The following SPAG16 variants were observed in gnomAD, a reference collection of about 807,000 sequenced individuals.
SPAG16 encodes the protein sperm associated antigen 16, also known as sperm-associated antigen 16 protein.
A neutral mutation model predicts 80.4 loss-of-function variants in SPAG16; 86 were observed. That is an observed-to-expected ratio of 1.07 (90% CI 0.90 to 1.28). The LOEUF (loss-of-function observed/expected upper bound fraction) is 1.28, where lower values mean the gene tolerates loss of function less well. Ranked by LOEUF, SPAG16 falls within the 50% of genes most tolerant of loss-of-function variation. SPAG16 has a pLI of 0.00. For synonymous variants in SPAG16, 294 were observed against 265.9 expected, an observed-to-expected ratio of 1.11 and a Z score of -1.03; for missense variants, 870 against 765.3, an observed-to-expected ratio of 1.14 and a Z score of -1.61.
intron 9 of SPAG16, among the ~76,000 whole-genome samples, chr2:213,438,964 C>T (rs980117268): frequency 2.6e-5 from 4 of 152,132 alleles, no homozygotes; most frequent in African/African-American, 4.8e-5. Flanking sequence ...GCTGATTGTT[C>T]CCTGGATGAT....
chr2:213,882,737 G>T (rs2076391198), intron 11 of SPAG16, among the ~76,000 whole-genome samples: 3 of 152,040 alleles, frequency 2.0e-5, no homozygotes, highest in Non-Finnish European at 2.9e-5. Flanking sequence ...TTTTTTCAAA[G>T]AACAAACTTT....
At chr2:213,812,025 G>A (rs921754962) in intron 10 of SPAG16, among the ~76,000 whole-genome samples, 2 of 152,114 alleles carry the variant, frequency 1.3e-5, no homozygotes, top group African/African-American at 4.8e-5. Flanking sequence ...CTAGCAACAG[G>A]AGTTAGAAGC....
chr2:213,420,032 T>C lies in SPAG16; in HGVS notation c.942+44913T>C, dbSNP rs1221617813. 7.2e-5 allele frequency among the ~76,000 whole-genome samples: 11 copies of C among 152,338 alleles called. 1 individual carries two copies. The highest frequency in any genetic ancestry group is 2.6e-4 in the African/African-American group (11 of 41,566). Reference sequence around the variant, plus strand: ...TTCTAAGTATATACAAGATATTTTTTTATACCTTTATTTTATCAAACATTA... The same window carrying C: ...TTCTAAGTATATACAAGATATTTTTCTATACCTTTATTTTATCAAACATTA... On this transcript the variant is annotated intron_variant, in intron 9 of 15. Coordinates refer to ENST00000331683, the MANE Select transcript of SPAG16 (RefSeq NM_024532.5).
At chr2:213,563,028 G>A (rs962034897) in intron 10 of SPAG16, among the ~76,000 whole-genome samples, 12 of 152,274 alleles carry the variant, frequency 7.9e-5, no homozygotes, top group African/African-American at 2.9e-4. Context: ...GCATGGCGGG[G>A]GAACACAGAC....
intron 10 of SPAG16, among the ~76,000 whole-genome samples, chr2:213,685,063 A>G (rs1289290570): frequency 6.6e-6 from 1 of 152,232 alleles, no homozygotes; most frequent in Non-Finnish European, 1.5e-5. Context: ...ATCAGTTGAA[A>G]GAGTCAGGGA....
rs74842682 is a variant in SPAG16 at position 213,586,203 on chromosome 2, T to A, written c.1070+96113T>A. Among the ~76,000 whole-genome samples the A allele has an allele frequency of 3.7e-4, 57 of 152,346 alleles. No individual in the cohort carries two copies. In the East Asian group the frequency reaches 0.011, roughly 29 times the overall value. On this transcript the variant is annotated intron_variant, in intron 10 of 15. Coordinates refer to ENST00000331683, the MANE Select transcript of SPAG16 (RefSeq NM_024532.5). Reference sequence around the variant, plus strand: ...CAATCATTTCTATGATGAGCCAGTATCTTAGTTCATTCAGGTGGCTATAAC... The same window carrying A: ...CAATCATTTCTATGATGAGCCAGTAACTTAGTTCATTCAGGTGGCTATAAC...
At chr2:213,848,958 T>C (rs1453232333) in intron 10 of SPAG16, among the ~76,000 whole-genome samples, 1 of 152,198 alleles carries the variant, frequency 6.6e-6, no homozygotes, top group Non-Finnish European at 1.5e-5. Context: ...TATATATAAC[T>C]TTTGTTAATT....
At chr2:213,786,223 T>G (rs2070334742) in intron 10 of SPAG16, among the ~76,000 whole-genome samples, 1 of 152,118 alleles carries the variant, frequency 6.6e-6, no homozygotes, top group African/African-American at 2.4e-5. Flanking sequence ...ATCGTCCCAT[T>G]TAACATTTGC....
chr2:213,315,655 C>T (rs2063370760), intron 4 of SPAG16, among the ~76,000 whole-genome samples: 1 of 151,224 alleles, frequency 6.6e-6, no homozygotes, highest in African/African-American at 2.4e-5. Context: ...CTCAGACGTA[C>T]TCTCAGTTTG....
intron 10 of SPAG16, among the ~76,000 whole-genome samples, chr2:213,600,383 C>G (rs1352462378): frequency 3.3e-5 from 5 of 152,134 alleles, no homozygotes; most frequent in Non-Finnish European, 7.3e-5. Context: ...ATTCCCTTTT[C>G]CTAAGTGGTT....
In SPAG16 at chr2:214,108,205, G is replaced by A; in HGVS notation, c.1537G>A (p.Glu513Lys). ...TGCTTTGTCTTCCTAGGGTATATGT[G>A]AGCAGTCACTTTATGGTCACATGCA... ...SIWDARTGIC[E>K]QSLYGHMHSI... The change falls in exon 14 of 16, where the codon GAG becomes AAG. Residue 513 changes from glutamate to lysine, a missense_variant. Transcript: ENST00000331683. 1 of 1,589,810 alleles carries A rather than the reference G, an allele frequency of 6.3e-7. No homozygotes were observed. Among genetic ancestry groups the A allele is most frequent in the Middle Eastern group, 1.7e-4 (1 of 5,950 alleles).
intron 10 of SPAG16, among the ~76,000 whole-genome samples, chr2:213,670,707 A>G (rs1367184626): frequency 2.0e-5 from 3 of 152,178 alleles, no homozygotes; most frequent in Non-Finnish European, 4.4e-5. Context: ...CCAGAGCACT[A>G]ATTTCTTCAC....
At chr2:214,359,018 G>C (rs1299876762) in intron 15 of SPAG16, among the ~76,000 whole-genome samples, 3 of 151,718 alleles carry the variant, frequency 2.0e-5, no homozygotes, top group African/African-American at 7.3e-5. Flanking sequence ...GGAAAGAAAG[G>C]ATCAGTTATT....
intron 10 of SPAG16, among the ~76,000 whole-genome samples, chr2:213,834,399 T>A (rs12472069): frequency 0.6 from 91,639 of 151,988 alleles, 29,477 homozygotes; most frequent in South Asian, 0.86. Flanking sequence ...AAGTAGATAG[T>A]TGTGAAGAAG....
At chr2:214,051,377 A>G (rs757133684) in intron 13 of SPAG16, among the ~76,000 whole-genome samples, 3 of 152,208 alleles carry the variant, frequency 2.0e-5, no homozygotes, top group African/African-American at 7.2e-5. Flanking sequence ...AATGCTTCAC[A>G]TTAGGAATCT....
At chr2:213,756,380 T>C (rs1181763981) in intron 10 of SPAG16, among the ~76,000 whole-genome samples, 1 of 152,004 alleles carries the variant, frequency 6.6e-6, no homozygotes, top group Non-Finnish European at 1.5e-5. Context: ...TCCCAGCTAT[T>C]CGGAAGGCTG....
intron 12 of SPAG16, among the ~76,000 whole-genome samples, chr2:213,962,628 T>G (rs2044506341): frequency 5.9e-5 from 9 of 152,232 alleles, no homozygotes; most frequent in Admixed American, 5.9e-4. Context: ...TATTTTGATC[T>G]GGGTCTTCCA....
intron 10 of SPAG16, among the ~76,000 whole-genome samples, chr2:213,781,236 T>C (rs1202830021): frequency 5.9e-5 from 9 of 152,202 alleles, no homozygotes; most frequent in Non-Finnish European, 1.5e-5. Context: ...AGAAGCTATC[T>C]GTTAGTGTTT....
intron 10 of SPAG16, among the ~76,000 whole-genome samples, chr2:213,700,414 A>G (rs984758245): frequency 6.6e-6 from 1 of 152,042 alleles, no homozygotes; most frequent in African/African-American, 2.4e-5. Flanking sequence ...AGGTGGAAAT[A>G]TAACACATCA....
Sources: allele counts gnomAD v4.1 joint callset (sites outside exome capture counted in the v4.1 genomes callset), GRCh38; gene constraint gnomAD v4.1.1; transcripts MANE v1.5; gene names NCBI Gene and HGNC (gene_info 2026-07-23, HGNC 2026-07-21).